SEC24B: variants seen among roughly 807,000 people sequenced by gnomAD.
SEC24B encodes the protein protein transport protein Sec24B.
A neutral mutation model predicts 142.8 loss-of-function variants in SEC24B; 45 were observed. The observed-to-expected ratio is 0.32, with a 90% CI of 0.25 to 0.40. The LOEUF is 0.40. SEC24B is among the 10% of genes least tolerant of loss of function. The pLI is 1.00. For synonymous variants in SEC24B, 574 were observed against 568.2 expected, an observed-to-expected ratio of 1.01 and a Z score of -0.15; for missense variants, 1,409 against 1,526.8, an observed-to-expected ratio of 0.92 and a Z score of 1.29.
intron 3 of SEC24B, among the ~76,000 whole-genome samples, chr4:109,481,442 G>C (rs1733726424): frequency 6.6e-6 from 1 of 152,174 alleles, no homozygotes; most frequent in South Asian, 2.1e-4. Flanking sequence ...GACAATACAT[G>C]ATAGATACCT....
At chr4:109,501,199 G>A (rs1216808619) in intron 6 of SEC24B, among the ~76,000 whole-genome samples, 3 of 152,166 alleles carry the variant, frequency 2.0e-5, no homozygotes, top group African/African-American at 4.8e-5. Context: ...ATATCATTGT[G>A]TGCAGTTGCC....
intron 16 of SEC24B, 130 bp from the exon 17 acceptor site, chr4:109,526,096 G>A: frequency 6.1e-6 from 5 of 816,040 alleles, no homozygotes; most frequent in Non-Finnish European, 7.9e-6. Flanking sequence ...CTCTGCCTAT[G>A]CTTGAACCTT....
At chr4:109,507,630 C>A (rs1389758447) in intron 7 of SEC24B, among the ~76,000 whole-genome samples, 1 of 151,778 alleles carries the variant, frequency 6.6e-6, no homozygotes, top group Non-Finnish European at 1.5e-5. Flanking sequence ...CCAATATTTC[C>A]TCTTTCTTTT....
intron 14 of SEC24B, 71 bp from the exon 15 acceptor site, chr4:109,524,747 T>C: frequency 6.9e-7 from 1 of 1,447,014 alleles, no homozygotes; most frequent in Admixed American, 2.1e-5. Context: ...GATATCCTTT[T>C]TGTTATAAAA....
chr4:109,524,769 A>C (rs1347631995), intron 14 of SEC24B, 49 bp from the exon 15 acceptor site: 1 of 1,539,162 alleles, frequency 6.5e-7, no homozygotes, highest in East Asian at 2.3e-5. Flanking sequence ...TGACATGAAA[A>C]TATGAGCATA....
At chr4:109,506,193 G>T (rs1736664959) in intron 6 of SEC24B, 135 bp from the exon 7 acceptor site, 2 of 494,252 alleles carry the variant, frequency 4.0e-6, no homozygotes, top group Non-Finnish European at 6.5e-6. Context: ...GTGTGCTTTA[G>T]ATTGACTGCA....
chr4:109,525,508 T>G lies in SEC24B; in HGVS notation c.2791+4T>G. On this transcript the variant is annotated splice_donor_region_variant and intron_variant, in intron 16 of 23. Coordinates refer to ENST00000265175, the MANE Select transcript of SEC24B (RefSeq NM_006323.5). The stretch of plus-strand genomic sequence containing the variant: ...ATGAGAATAAGGTGTACTAAAGGTA[T>G]GAAGTTGTAAAAGTTATATTTTATA... The G allele has an allele frequency of 2.5e-6, 4 of 1,584,432 alleles. No homozygotes were observed. Among genetic ancestry groups the G allele is most frequent in the Non-Finnish European group, 2.6e-6 (3 of 1,166,618 alleles).
In SEC24B at chr4:109,506,226, C is replaced by T. The variant is rs1436670530; in HGVS notation, c.1489-102C>T. On this transcript the variant is annotated intron_variant, in intron 6 of 23. Transcript: ENST00000265175. Reference sequence around the variant, plus strand: ...GCATACCAAGCCAGATTTAAATTTTCTTACCTTTTTGCTTTTTCTGTATGT... The same window carrying T: ...GCATACCAAGCCAGATTTAAATTTTTTTACCTTTTTGCTTTTTCTGTATGT... 2 of 808,802 alleles carry T rather than the reference C, an allele frequency of 2.5e-6. 1 individual carries two copies. The highest frequency in any genetic ancestry group is 3.4e-6 in the Non-Finnish European group (2 of 586,682). 50.1% of individuals were successfully genotyped at this position (808,802 alleles called of 1,614,324 possible). A position where few individuals can be genotyped will look rare whatever the true frequency, so the allele number is the denominator to read the frequency against.
chr4:109,502,123 G>A (rs1736218187), intron 6 of SEC24B, among the ~76,000 whole-genome samples: 1 of 152,198 alleles, frequency 6.6e-6, no homozygotes. Flanking sequence ...TGTGGTTAAA[G>A]CATTTCAGGC....
At chr4:109,458,960 A>G (rs1016737684) in intron 1 of SEC24B, among the ~76,000 whole-genome samples, 1 of 152,160 alleles carries the variant, frequency 6.6e-6, no homozygotes, top group African/African-American at 2.4e-5. Flanking sequence ...CTATTTTAGA[A>G]GTATTAAAAT....
chr4:109,537,027 T>TA lies in SEC24B; in HGVS notation c.3589-1461dup, dbSNP rs541996863. Among the ~76,000 whole-genome samples the TA allele has an allele frequency of 6.9e-3, 1,049 of 152,272 alleles. 14 individuals carry two copies. Among genetic ancestry groups the TA allele is most frequent in the African/African-American group, 0.024 (997 of 41,556 alleles). ...AGACTGAAAAGGGCTAACTTCTCTA[T>TA]AAAAAGTTCTCTTACAAATCTTTGA... On this transcript the variant is annotated intron_variant, in intron 22 of 23. Coordinates refer to ENST00000265175, the MANE Select transcript of SEC24B (RefSeq NM_006323.5).
rs375423089 is a variant in SEC24B, at chr4:109,494,761, A to T, written c.1393A>T (p.Thr465Ser). The T allele has an allele frequency of 6.2e-7, 1 of 1,614,168 alleles. No individual in the cohort carries two copies. The highest frequency in any genetic ancestry group is 8.5e-7 in the Non-Finnish European group (1 of 1,180,030). The stretch of plus-strand genomic sequence containing the variant: ...TAAGCCTTTTGGCTATGGCTATCCA[A>T]CACTTCAGCCTGGTTATCAGAATGC... ...MAKPFGYGYPTLQPGYQNATA... is the reference protein window; with the variant it reads ...MAKPFGYGYPSLQPGYQNATA... The change falls in exon 6 of 24, where the codon ACA (threonine) becomes TCA (serine). Residue 465 changes from threonine (T) to serine (S), a missense_variant. Thr to Ser is a moderately conservative substitution (Grantham distance 58). Transcript: ENST00000265175.
intron 15 of SEC24B, 57 bp from the exon 16 acceptor site, chr4:109,525,289 G>A (rs1724091971): frequency 7.2e-7 from 1 of 1,398,308 alleles, no homozygotes; most frequent in South Asian, 1.6e-5. Flanking sequence ...TACTACTGTT[G>A]GACAAGTAAA....
At position 109,516,548 on chromosome 4, in the gene SEC24B, A is replaced by T. The variant is rs985466362; in HGVS notation, c.2034A>T (p.Ala678=). The change falls in exon 11 of 24, where the codon GCA becomes GCT. Residue 678 remains alanine, a synonymous_variant. Transcript: ENST00000265175. The part of the protein sequence containing the change: ...SDYMLRPPQP[A]VYLFVLDVSH... ...TTCAGCTGCGTCCTCCTCAACCTGCAGTTTACTTGTTTGTTTTAGATGTGT... is the reference window on the plus strand; with the variant it reads ...TTCAGCTGCGTCCTCCTCAACCTGCTGTTTACTTGTTTGTTTTAGATGTGT... The T allele has an allele frequency of 1.2e-6, 2 of 1,611,484 alleles. No individual in the cohort carries two copies. Among genetic ancestry groups the T allele is most frequent in the Non-Finnish European group, 1.7e-6 (2 of 1,178,546 alleles).
intron 1 of SEC24B, among the ~76,000 whole-genome samples, chr4:109,437,531 C>T (rs753820133): frequency 5.9e-5 from 9 of 152,304 alleles, no homozygotes; most frequent in East Asian, 5.8e-4. Flanking sequence ...CTCAAGTGAT[C>T]GTCCTGGCTA....
chr4:109,505,796 G>A (rs1736618025), intron 6 of SEC24B, among the ~76,000 whole-genome samples: 1 of 152,086 alleles, frequency 6.6e-6, no homozygotes, highest in Non-Finnish European at 1.5e-5. Flanking sequence ...AAGGACACTG[G>A]GGCCATCTTG....
At chr4:109,515,435 A>C (rs1404701061) in intron 10 of SEC24B, among the ~76,000 whole-genome samples, 1 of 151,998 alleles carries the variant, frequency 6.6e-6, no homozygotes, top group Non-Finnish European at 1.5e-5. Flanking sequence ...GATTTAATAT[A>C]TTCTTTTATT....
At chr4:109,527,468 T>C in intron 18 of SEC24B, 36 bp downstream of exon 18, 1 of 1,465,026 alleles carries the variant, frequency 6.8e-7, no homozygotes, top group Non-Finnish European at 9.5e-7. Context: ...GAAATGTATT[T>C]TTCTATCTTA....
intron 6 of SEC24B, among the ~76,000 whole-genome samples, chr4:109,501,686 G>A (rs1289590566): frequency 6.6e-6 from 1 of 152,176 alleles, no homozygotes; most frequent in Admixed American, 6.5e-5. Flanking sequence ...TGGCCAGGCT[G>A]GTCTCAAATT....
Sources: gnomAD v4.1 joint callset for allele counts (sites outside exome capture counted in the v4.1 genomes callset) on GRCh38, gnomAD v4.1.1 for gene constraint, MANE v1.5 for transcripts, NCBI Gene and HGNC (gene_info 2026-07-23, HGNC 2026-07-21) for gene names.